The following LRTM1 variants were observed in gnomAD, a reference collection of about 807,000 sequenced individuals.
LRTM1 encodes leucine-rich repeat and transmembrane domain-containing protein 1.
Under a neutral mutation model 32.4 loss-of-function variants are expected in LRTM1, and 38 were observed. The ratio of observed to expected loss-of-function variants is 1.17; its 90% CI spans 0.91 to 1.54. LRTM1 has a LOEUF of 1.54. LRTM1 is among the 40% of genes most tolerant of loss of function. The pLI is 0.00. For missense variants in LRTM1, 466 were observed against 415.4 expected (o/e 1.12, Z -1.06); for synonymous variants, 186 against 169.9 (o/e 1.09, Z -0.74).
At chr3:54,952,487 A>G (rs932057609) in intron 1 of LRTM1, among the ~76,000 whole-genome samples, 1 of 152,226 alleles carries the variant, frequency 6.6e-6, no homozygotes, top group Non-Finnish European at 1.5e-5. Flanking sequence ...ATAAAACATG[A>G]GGCAAAAACT....
intron 1 of LRTM1, among the ~76,000 whole-genome samples, chr3:54,955,918 A>G (rs1299635878): frequency 3.3e-5 from 5 of 152,164 alleles, no homozygotes; most frequent in Admixed American, 6.5e-5. Context: ...CAGCCTCGCC[A>G]TCTGCCTGAT....
At position 54,924,874 on chromosome 3, in the gene LRTM1, G is replaced by C. The variant is rs35540470; in HGVS notation, c.349C>G (p.Leu117Val). ...QNSLLSLESR[L>V]FHSLPQLREL... ...CTCAGCTGAGGGAGGGAATGGAAAAGTCTGCTTTCCAGGGAAAGGAGTGAA... is the reference window on the plus strand; with the variant it reads ...CTCAGCTGAGGGAGGGAATGGAAAACTCTGCTTTCCAGGGAAAGGAGTGAA... Residue 117 changes from leucine to valine, a missense_variant, in exon 2 of 3, where the codon CTT (leucine) becomes GTT (valine). By Grantham distance (32) the Leu-to-Val change is conservative. Transcript: ENST00000273286. 2.4e-4 allele frequency: 392 copies of C among 1,613,770 alleles called. 2 individuals carry two copies. In the African/African-American group the frequency reaches 4.6e-3, roughly 19 times the overall value.
rs557352783 is a variant in LRTM1 at position 54,918,922 on chromosome 3, C to T, written c.605-30G>A. The T allele has an allele frequency of 2.7e-6, 4 of 1,505,224 alleles. No homozygotes were observed. In the South Asian group the frequency reaches 5.4e-5, roughly 20 times the overall value. 93.2% of individuals were successfully genotyped at this position (1,505,224 alleles called of 1,614,324 possible). A position where few individuals can be genotyped will look rare whatever the true frequency, so the allele number is the denominator to read the frequency against. On this transcript the variant is annotated intron_variant, in intron 2 of 2. Transcript: ENST00000273286. ...AAAAAACAAAAGCAAAGAACAATAA[C>T]AAAGCCTTGATACAACAGAGTTCCA...
intron 1 of LRTM1, among the ~76,000 whole-genome samples, chr3:54,936,909 G>A (rs554187219): frequency 5.9e-5 from 9 of 152,246 alleles, no homozygotes; most frequent in South Asian, 2.1e-4. Context: ...AATAAACTCC[G>A]TGTATGCTCT....
Position 54,918,352 on chromosome 3 carries a change from T to C in LRTM1, c.*107A>G. The C allele has an allele frequency of 7.6e-6, 3 of 395,484 alleles. No individual in the cohort carries two copies. Among genetic ancestry groups the C allele is most frequent in the South Asian group, 6.7e-5 (1 of 14,850 alleles). 24.5% of individuals were successfully genotyped at this position (395,484 alleles called of 1,614,324 possible). On this transcript the variant is annotated 3_prime_UTR_variant, in exon 3 of 3. Coordinates refer to ENST00000273286, the MANE Select transcript of LRTM1 (RefSeq NM_020678.4). ...TTTTTCTTTTTTTTTTTTTTTTTTT[T>C]TTTGTCTTTTGGCAAAAGCAAAATC... is the stretch of plus-strand genomic sequence containing the variant.
intron 2 of LRTM1, among the ~76,000 whole-genome samples, chr3:54,920,935 C>G (rs1300722944): frequency 1.3e-5 from 2 of 152,144 alleles, no homozygotes; most frequent in African/African-American, 4.8e-5. Flanking sequence ...AAGGAAATAC[C>G]CAGACTGGAG....
At chr3:54,965,074 C>G (rs545424092) in intron 1 of LRTM1, among the ~76,000 whole-genome samples, 1 of 152,204 alleles carries the variant, frequency 6.6e-6, no homozygotes, top group East Asian at 1.9e-4. Flanking sequence ...TGTAAAGGAC[C>G]AATAGTAAAT....
chr3:54,938,970 G>T (rs1198072398), intron 1 of LRTM1, among the ~76,000 whole-genome samples: 2 of 152,200 alleles, frequency 1.3e-5, no homozygotes, highest in African/African-American at 4.8e-5. Flanking sequence ...TCCAGAGGAA[G>T]TTGATCTGAA....
rs1700740555 is a variant in LRTM1 at position 54,918,697 on chromosome 3, T to C, written c.800A>G (p.Glu267Gly). Residue 267 changes from glutamate to glycine, a missense_variant, in exon 3 of 3, where the codon GAA becomes GGA. Physicochemically the swap from Glu to Gly is moderately conservative, Grantham distance 98. Transcript: ENST00000273286. ...GGGTTTGAGCTCGCACTCCAAGAGT[T>C]CTCGCTCCCCCGCGTTGTGGTTCTC... ...PPENHNAGERELLECELKPKP... is the reference protein window; with the variant it reads ...PPENHNAGERGLLECELKPKP... 4 of 1,614,156 alleles carry C rather than the reference T, an allele frequency of 2.5e-6. No individual in the cohort carries two copies. Among genetic ancestry groups the C allele is most frequent in the East Asian group, 2.2e-5 (1 of 44,856 alleles).
chr3:54,920,413 A>C (rs1238263625), intron 2 of LRTM1, among the ~76,000 whole-genome samples: 2 of 151,900 alleles, frequency 1.3e-5, no homozygotes, highest in African/African-American at 4.8e-5. Context: ...ATCACCCACC[A>C]CCAGAGTGTC....
intron 1 of LRTM1, among the ~76,000 whole-genome samples, chr3:54,957,047 T>C (rs1259973718): frequency 6.6e-6 from 1 of 152,202 alleles, no homozygotes; most frequent in South Asian, 2.1e-4. Context: ...TTTTTTAAGC[T>C]TCTAGCAGAC....
chr3:54,924,736 G>T lies in LRTM1; in HGVS notation c.487C>A (p.Arg163=), dbSNP rs144793991. The part of the protein sequence containing the change: ...VQQNQLQQLD[R]ALLESMPSVR... Reference sequence around the variant, plus strand: ...CTGGGCATGGATTCCAGGAGCGCTCGATCAAGCTGCTGAAGCTGGTTTTGT... The same window carrying T: ...CTGGGCATGGATTCCAGGAGCGCTCTATCAAGCTGCTGAAGCTGGTTTTGT... Residue 163 remains arginine, a synonymous_variant, in exon 2 of 3, where the codon CGA becomes AGA. Transcript: ENST00000273286. 1 of 1,614,018 alleles carries T rather than the reference G, an allele frequency of 6.2e-7. No homozygotes were observed. Among genetic ancestry groups the T allele is most frequent in the Non-Finnish European group, 8.5e-7 (1 of 1,180,024 alleles).
chr3:54,959,418 G>C (rs1406353190), intron 1 of LRTM1, among the ~76,000 whole-genome samples: 7 of 152,294 alleles, frequency 4.6e-5, no homozygotes, highest in Non-Finnish European at 1.0e-4. Flanking sequence ...CATCCCTCCA[G>C]CTCTGTGGAC....
chr3:54,947,425 C>T (rs77055149), intron 1 of LRTM1, among the ~76,000 whole-genome samples: 2,545 of 152,250 alleles, frequency 0.017, 67 homozygotes, highest in African/African-American at 0.057. Context: ...TACCAGGATT[C>T]CAGGTGATCT....
At chr3:54,940,069 C>G (rs1297901656) in intron 1 of LRTM1, among the ~76,000 whole-genome samples, 1 of 152,172 alleles carries the variant, frequency 6.6e-6, no homozygotes, top group Non-Finnish European at 1.5e-5. Context: ...TTACAGCCTT[C>G]CCACTGGACA....
chr3:54,957,602 T>C (rs1384157490), intron 1 of LRTM1, among the ~76,000 whole-genome samples: 1 of 152,120 alleles, frequency 6.6e-6, no homozygotes, highest in African/African-American at 2.4e-5. Flanking sequence ...CTGGTGTGTG[T>C]GTTAGGGAGG....
At chr3:54,945,010 A>T (rs1282818821) in intron 1 of LRTM1, among the ~76,000 whole-genome samples, 2 of 152,192 alleles carry the variant, frequency 1.3e-5, no homozygotes, top group African/African-American at 2.4e-5. Context: ...TGGGTGAATC[A>T]ATGAAAACTT....
intron 2 of LRTM1, among the ~76,000 whole-genome samples, chr3:54,923,397 A>C (rs1700909586): frequency 6.6e-6 from 1 of 151,794 alleles, no homozygotes; most frequent in Non-Finnish European, 1.5e-5. Context: ...CTCATGGCTC[A>C]TTCCTCCTCA....
chr3:54,947,823 AG>A (rs1232358611), intron 1 of LRTM1, among the ~76,000 whole-genome samples: 3 of 152,194 alleles, frequency 2.0e-5, no homozygotes, highest in African/African-American at 4.8e-5. Context: ...GATGTGGGTC[AG>A]GAAGCATCCA....
Sources: gnomAD v4.1 joint callset for allele counts (sites outside exome capture counted in the v4.1 genomes callset) on GRCh38, gnomAD v4.1.1 for gene constraint, MANE v1.5 for transcripts, NCBI Gene and HGNC (gene_info 2026-07-23, HGNC 2026-07-21) for gene names.